ADAMTSL1: variants seen among roughly 807,000 people sequenced by gnomAD.
The protein encoded by ADAMTSL1 is ADAMTS like 1, also known as ADAMTS-like protein 1.
Under a neutral mutation model 201.8 loss-of-function variants are expected in ADAMTSL1, and 126 were observed. That is an observed-to-expected ratio of 0.62 (90% CI 0.54 to 0.72). The LOEUF is 0.72. Among genes scored for constraint, ADAMTSL1 ranks in the 30% least tolerant of loss-of-function variants. The probability of loss-of-function intolerance (pLI) is 0.00; values close to 1 mark genes in which losing one functional copy is unlikely to be tolerated. For missense variants in ADAMTSL1, 2,679 were observed against 2,277.8 expected (o/e 1.18, Z -3.59); for synonymous variants, 1,121 against 903.4 (o/e 1.24, Z -4.32).
intron 1 of ADAMTSL1, among the ~76,000 whole-genome samples, chr9:18,085,187 T>C (rs928727791): frequency 6.6e-6 from 1 of 151,688 alleles, no homozygotes; most frequent in Non-Finnish European, 1.5e-5. Context: ...TCATAGACTG[T>C]GTTTTTCCTG....
intron 19 of ADAMTSL1, among the ~76,000 whole-genome samples, chr9:18,780,954 G>C (rs903667770): frequency 2.0e-5 from 3 of 152,112 alleles, no homozygotes; most frequent in East Asian, 1.9e-4. Context: ...GGACAATATA[G>C]TATGCTGTGG....
In ADAMTSL1 at chr9:18,808,320, A is replaced by G. The variant is rs560930398; in HGVS notation, c.3806-8789A>G. On this transcript the variant is annotated intron_variant, in intron 20 of 28. Coordinates refer to ENST00000380548, the MANE Select transcript of ADAMTSL1 (RefSeq NM_001040272.6). ...TTTTCTAATAGGTGTAAGAGGGTCA[A>G]TTGATTAAGCAACATTATTTTCATT... Among the ~76,000 whole-genome samples, 44 of 152,340 alleles carry G rather than the reference A, an allele frequency of 2.9e-4. 1 individual carries two copies. The South Asian group carries it at 8.1e-3, about 28-fold the overall frequency.
intron 2 of ADAMTSL1, among the ~76,000 whole-genome samples, chr9:18,226,261 T>C (rs1036643198): frequency 6.6e-6 from 1 of 152,186 alleles, no homozygotes; most frequent in Admixed American, 6.6e-5. Flanking sequence ...AACGTACTTA[T>C]ACCCTTCATC....
At chr9:18,165,964 G>T (rs1469009360) in intron 2 of ADAMTSL1, among the ~76,000 whole-genome samples, 2 of 151,894 alleles carry the variant, frequency 1.3e-5, no homozygotes, top group Non-Finnish European at 2.9e-5. Flanking sequence ...TTATTTATGA[G>T]TTTCTGTCTT....
intron 23 of ADAMTSL1, among the ~76,000 whole-genome samples, chr9:18,838,282 G>T (rs1408120886): frequency 1.3e-5 from 2 of 151,646 alleles, no homozygotes; most frequent in African/African-American, 4.8e-5. Context: ...CCTCCCAGCA[G>T]GTTTCTCCCA....
chr9:18,120,320 T>C (rs1825442778), intron 1 of ADAMTSL1, among the ~76,000 whole-genome samples: 1 of 152,218 alleles, frequency 6.6e-6, no homozygotes, highest in Non-Finnish European at 1.5e-5. Context: ...AGATGGAAGC[T>C]GTAGTGTCTT....
chr9:18,481,447 C>G (rs1298234547), intron 1 of ADAMTSL1, among the ~76,000 whole-genome samples: 2 of 151,270 alleles, frequency 1.3e-5, no homozygotes, highest in African/African-American at 4.8e-5. Flanking sequence ...GAGATTAAGT[C>G]ACAATCTCTA....
At chr9:18,136,732 T>C (rs1314751273) in intron 1 of ADAMTSL1, among the ~76,000 whole-genome samples, 2 of 151,916 alleles carry the variant, frequency 1.3e-5, no homozygotes, top group African/African-American at 4.8e-5. Context: ...TAGACAGATA[T>C]TTGGGCAGCA....
intron 2 of ADAMTSL1, among the ~76,000 whole-genome samples, chr9:18,431,883 G>A (rs1380574426): frequency 6.6e-6 from 1 of 152,062 alleles, no homozygotes; most frequent in Non-Finnish European, 1.5e-5. Flanking sequence ...ATCTATATAG[G>A]CTGGGTTGTT....
rs13291087 is a variant in ADAMTSL1, at chr9:18,837,982, G to A, written c.4249+8005G>A. On this transcript the variant is annotated intron_variant, in intron 23 of 28. Transcript: ENST00000380548. ...TGTCACTGGCTTAGGCCTCCATGAG[G>A]TCAAAGACCCTAAAAGATGCACTAT... Among the ~76,000 whole-genome samples, 922 of 152,170 alleles carry A rather than the reference G, an allele frequency of 6.1e-3. 10 individuals carry two copies. Among genetic ancestry groups the A allele is most frequent in the Non-Finnish European group, 8.3e-3 (565 of 68,012 alleles).
At chr9:18,545,081 G>A (rs7042143) in intron 3 of ADAMTSL1, among the ~76,000 whole-genome samples, 39,748 of 152,004 alleles carry the variant, frequency 0.26, 5,624 homozygotes, top group East Asian at 0.61. Flanking sequence ...ACATACCTCA[G>A]AGAGAACCTG....
chr9:18,418,271 C>T (rs371148003), intron 2 of ADAMTSL1, among the ~76,000 whole-genome samples: 5 of 152,246 alleles, frequency 3.3e-5, no homozygotes, highest in South Asian at 2.1e-4. Flanking sequence ...AAACTTAGTG[C>T]GAAAGACTGA....
At chr9:18,225,847 C>T (rs991403066) in intron 2 of ADAMTSL1, among the ~76,000 whole-genome samples, 2 of 152,016 alleles carry the variant, frequency 1.3e-5, no homozygotes, top group South Asian at 4.1e-4. Flanking sequence ...ATCTTTCTTT[C>T]TTCTTGCCTG....
chr9:18,320,918 C>G (rs1176593883), intron 2 of ADAMTSL1, among the ~76,000 whole-genome samples: 1 of 151,416 alleles, frequency 6.6e-6, no homozygotes, highest in Non-Finnish European at 1.5e-5. Flanking sequence ...GAATAGGAGG[C>G]AGAAATATAA....
intron 9 of ADAMTSL1, among the ~76,000 whole-genome samples, chr9:18,674,951 C>G (rs944624135): frequency 1.3e-5 from 2 of 152,156 alleles, no homozygotes; most frequent in Middle Eastern, 3.4e-3. Context: ...AGGGACCCAC[C>G]AGTCTTACCA....
chr9:18,839,288 G>GT lies in ADAMTSL1; in HGVS notation c.4249+9317dup, dbSNP rs1023069920. Reference sequence around the variant, plus strand: ...TATGAGTGAGAACATGCGGTGTTTGGTTTTTTGTCTTTACAATAGTTTACT... The same window carrying GT: ...TATGAGTGAGAACATGCGGTGTTTGGTTTTTTTGTCTTTACAATAGTTTACT... On this transcript the variant is annotated intron_variant, in intron 23 of 28. Coordinates refer to ENST00000380548, the MANE Select transcript of ADAMTSL1 (RefSeq NM_001040272.6). Among the ~76,000 whole-genome samples the GT allele has an allele frequency of 5.0e-3, 750 of 149,674 alleles. 2 individuals are homozygous for GT. The highest frequency in any genetic ancestry group is 0.01 in the Middle Eastern group (3 of 290).
intron 2 of ADAMTSL1, among the ~76,000 whole-genome samples, chr9:18,393,362 G>A (rs918188007): frequency 2.0e-5 from 3 of 152,102 alleles, no homozygotes; most frequent in African/African-American, 4.8e-5. Flanking sequence ...CTTGGACCTG[G>A]TAGGGATTAA....
intron 22 of ADAMTSL1, among the ~76,000 whole-genome samples, chr9:18,828,457 A>G (rs1410256692): frequency 6.6e-6 from 1 of 151,512 alleles, no homozygotes; most frequent in African/African-American, 2.4e-5. Flanking sequence ...AACTGCCACC[A>G]TCAGTTCCTA....
intron 1 of ADAMTSL1, among the ~76,000 whole-genome samples, chr9:17,982,687 C>T (rs1277074466): frequency 1.3e-5 from 2 of 152,220 alleles, no homozygotes; most frequent in East Asian, 3.9e-4. Context: ...TGCGTGGAAT[C>T]ACAGGCTCAG....
Sources: allele counts gnomAD v4.1 joint callset (sites outside exome capture counted in the v4.1 genomes callset), GRCh38; gene constraint gnomAD v4.1.1; transcripts MANE v1.5; gene names NCBI Gene and HGNC (gene_info 2026-07-23, HGNC 2026-07-21).